EPC1: variants seen among roughly 807,000 people sequenced by gnomAD.
EPC1 encodes enhancer of polycomb 1.
A neutral mutation model predicts 98.4 loss-of-function variants in EPC1; 12 were observed. The ratio of observed to expected loss-of-function variants is 0.12; its 90% CI spans 0.08 to 0.20. The LOEUF (loss-of-function observed/expected upper bound fraction) is 0.20. Ranked by LOEUF, EPC1 falls within the 10% of genes least tolerant of loss-of-function variation. The pLI is 1.00. For synonymous variants in EPC1, 357 were observed against 363.9 expected (o/e 0.98, Z 0.21); for missense variants, 729 against 990.5 (o/e 0.74, Z 3.54).
At position 32,284,825 on chromosome 10, in the gene EPC1, A is replaced by G; in HGVS notation, c.1617T>C (p.Ser539=). Residue 539 remains serine, a synonymous_variant, in exon 10 of 14, where the codon AGT becomes AGC. Transcript: ENST00000319778. The part of the protein sequence containing the change: ...FRPRTPSLHD[S]DNDELSCRKL... The stretch of plus-strand genomic sequence containing the variant: ...TTCTACAGGAGAGTTCATCATTGTC[A>G]CTGTCATGTAGGGATGGTGTCCGAG... 1 of 1,614,168 alleles carries G rather than the reference A, an allele frequency of 6.2e-7. No homozygotes were observed. Among genetic ancestry groups the G allele is most frequent in the Non-Finnish European group, 8.5e-7 (1 of 1,180,036 alleles).
chr10:32,349,154 C>G (rs1347073430), upstream of EPC1, among the ~76,000 whole-genome samples: 1 of 152,130 alleles, frequency 6.6e-6, no homozygotes, highest in African/African-American at 2.4e-5. Context: ...CCTCTCCAGC[C>G]TACAACATTA....
At chr10:32,314,086 G>C (rs564672010) in intron 1 of EPC1, among the ~76,000 whole-genome samples, 1 of 152,046 alleles carries the variant, frequency 6.6e-6, no homozygotes, top group South Asian at 2.1e-4. Context: ...TCATTGTACA[G>C]AGGCATAAAC....
chr10:32,308,919 T>C (rs1389237857), intron 1 of EPC1, among the ~76,000 whole-genome samples: 1 of 152,118 alleles, frequency 6.6e-6, no homozygotes, highest in Non-Finnish European at 1.5e-5. Context: ...AAAGGAAATG[T>C]GGAACTACAC....
At chr10:32,311,308 G>A (rs59155797) in intron 1 of EPC1, among the ~76,000 whole-genome samples, 7,552 of 53,542 alleles carry the variant, frequency 0.14, 610 homozygotes, top group African/African-American at 0.32. Context: ...GCGAGACTCC[G>A]TCTCAAAAAA....
At position 32,278,414 on chromosome 10, in the gene EPC1, C is replaced by T. The variant is rs538693009; in HGVS notation, c.1745-5133G>A. ...TTTTTTTTTTTGAGACGGAGTCTCG[C>T]TCTGTCGCCCAGGCTGGAGTGCAGT... is the stretch of plus-strand genomic sequence containing the variant. On this transcript the variant is annotated intron_variant, in intron 10 of 13. Coordinates refer to ENST00000319778, the MANE Select transcript of EPC1 (RefSeq NM_001272004.3). Among the ~76,000 whole-genome samples the T allele has an allele frequency of 8.9e-3, 1,059 of 119,458 alleles. 10 individuals are homozygous for T. The highest frequency in any genetic ancestry group is 0.013 in the Non-Finnish European group (749 of 58,340). The allele number at this position is 119,458 out of a possible 152,430, so 78.4% of individuals were successfully genotyped here.
chr10:32,270,011 A>G (rs954506690), intron 13 of EPC1, among the ~76,000 whole-genome samples: 1 of 152,130 alleles, frequency 6.6e-6, no homozygotes, highest in Non-Finnish European at 1.5e-5. Context: ...CTATACAAAA[A>G]CCAGTTTACT....
Position 32,291,147 on chromosome 10 carries a change from C to T in EPC1, c.975+16G>A, listed in dbSNP as rs372382099. 5 of 1,606,038 alleles carry T rather than the reference C, an allele frequency of 3.1e-6. No homozygotes were observed. The highest frequency in any genetic ancestry group is 4.3e-6 in the Non-Finnish European group (5 of 1,173,638). ...ATCCCATTATTAGATACTATTATCA[C>T]AAAAACATTAATCACCTTATTAACT... On this transcript the variant is annotated intron_variant, in intron 6 of 13. Coordinates refer to ENST00000319778, the MANE Select transcript of EPC1 (RefSeq NM_001272004.3).
chr10:32,293,775 A>G (rs749861788), intron 2 of EPC1, 38 bp from the exon 3 acceptor site: 1 of 1,561,438 alleles, frequency 6.4e-7, no homozygotes, highest in Non-Finnish European at 8.7e-7. Context: ...TTACTGTGTG[A>G]ATTCACCGAC....
chr10:32,340,636 C>T (rs1838280899), intron 1 of EPC1, among the ~76,000 whole-genome samples: 1 of 152,074 alleles, frequency 6.6e-6, no homozygotes, highest in Non-Finnish European at 1.5e-5. Flanking sequence ...TTGAGAACAG[C>T]CCAGGCAACA....
intron 1 of EPC1, among the ~76,000 whole-genome samples, chr10:32,332,816 G>A (rs886394282): frequency 2.0e-5 from 3 of 152,228 alleles, no homozygotes; most frequent in Non-Finnish European, 2.9e-5. Context: ...GATACTGGGA[G>A]TCCTCACTGC....
At chr10:32,367,143 C>T (rs910614812) in intron 1 of EPC1, among the ~76,000 whole-genome samples, 2 of 152,092 alleles carry the variant, frequency 1.3e-5, no homozygotes, top group Non-Finnish European at 2.9e-5. Flanking sequence ...TTACAGGCGC[C>T]AGCCACCACA....
At chr10:32,360,079 A>C (rs533408146) in intron 1 of EPC1, among the ~76,000 whole-genome samples, 196 of 147,740 alleles carry the variant, frequency 1.3e-3, no homozygotes, top group Non-Finnish European at 2.3e-3. Flanking sequence ...TTTTTGTATC[A>C]TTCATATGTT....
intron 2 of EPC1, among the ~76,000 whole-genome samples, chr10:32,303,533 G>GA (rs985764691): frequency 2.6e-5 from 4 of 152,098 alleles, no homozygotes; most frequent in Admixed American, 6.5e-5. Context: ...GATACTGAGT[G>GA]AAAAAAAGCC....
intron 1 of EPC1, among the ~76,000 whole-genome samples, chr10:32,358,534 A>T (rs773018588): frequency 1.5e-4 from 23 of 149,680 alleles, no homozygotes; most frequent in Admixed American, 2.7e-4. Context: ...AGTCCTAGCT[A>T]CTTGGGAGGC....
rs548728916 is a variant in EPC1 at position 32,333,242 on chromosome 10, A to G, written c.153+13521T>C. ...GTAGTCCCAGCTACTCAGGAGGTTG[A>G]GGCAGGAGAATCGCTTGAACCTGGG... On this transcript the variant is annotated intron_variant, in intron 1 of 13. Coordinates refer to ENST00000319778, the MANE Select transcript of EPC1 (RefSeq NM_001272004.3). 2.0e-5 allele frequency among the ~76,000 whole-genome samples: 3 copies of G among 152,324 alleles called. 1 individual carries two copies. The South Asian group carries it at 6.2e-4, about 32-fold the overall frequency.
intron 1 of EPC1, among the ~76,000 whole-genome samples, chr10:32,320,340 CTTTCT>C (rs771894293): frequency 4.6e-5 from 7 of 152,082 alleles, no homozygotes; most frequent in Non-Finnish European, 7.4e-5. Context: ...CTTAAATTCC[CTTTCT>C]TAATTTCTTA....
In EPC1 at chr10:32,339,435, C is replaced by T. The variant is rs1182944173; in HGVS notation, c.153+7328G>A. Among the ~76,000 whole-genome samples, 3 of 152,128 alleles carry T rather than the reference C, an allele frequency of 2.0e-5. No individual in the cohort carries two copies. The East Asian group carries it at 5.8e-4, about 29-fold the overall frequency. The stretch of plus-strand genomic sequence containing the variant: ...TGGCACACACCTGTAGCCCCAGCTA[C>T]TCAGGAGGCTGAGGCACGAGAATCG... On this transcript the variant is annotated intron_variant, in intron 1 of 13. Transcript: ENST00000319778.
chr10:32,333,766 T>TATG (rs1276293645), intron 1 of EPC1, among the ~76,000 whole-genome samples: 1 of 49,850 alleles, frequency 2.0e-5, no homozygotes, highest in East Asian at 2.4e-3. Flanking sequence ...AATAAGGCTT[T>TATG]ACGAGAAGGG....
intron 1 of EPC1, among the ~76,000 whole-genome samples, chr10:32,368,391 C>T (rs926781371): frequency 2.6e-5 from 4 of 152,152 alleles, no homozygotes; most frequent in Non-Finnish European, 5.9e-5. Context: ...TTTCCCACAG[C>T]CACGTGTGTT....
Sources: allele counts gnomAD v4.1 joint callset (sites outside exome capture counted in the v4.1 genomes callset), GRCh38; gene constraint gnomAD v4.1.1; transcripts MANE v1.5; gene names NCBI Gene and HGNC (gene_info 2026-07-23, HGNC 2026-07-21).